The following EVL variants were observed in gnomAD, a reference collection of about 807,000 sequenced individuals.
EVL encodes Enah/Vasp-like.
A neutral mutation model predicts 59.6 loss-of-function variants in EVL; 21 were observed. The observed-to-expected ratio is 0.35, with a 90% confidence interval of 0.25 to 0.51. EVL has a LOEUF of 0.51. EVL is among the 20% of genes least tolerant of loss of function. EVL has a pLI of 0.97. For missense variants in EVL, 462 were observed against 546.6 expected (o/e 0.85, Z 1.54); for synonymous variants, 198 against 203.5 (o/e 0.97, Z 0.23).
At chr14:99,981,265 C>G (rs1358013592) in intron 1 of EVL, among the ~76,000 whole-genome samples, 1 of 151,872 alleles carries the variant, frequency 6.6e-6, no homozygotes, top group Non-Finnish European at 1.5e-5. Flanking sequence ...AACCCCATCT[C>G]TACTAAAAAT....
chr14:100,086,709 T>C (rs1043315635), intron 2 of EVL, among the ~76,000 whole-genome samples: 4 of 152,228 alleles, frequency 2.6e-5, no homozygotes, highest in African/African-American at 9.6e-5. Context: ...TCTTCAGTGG[T>C]ATCCTGTTTA....
chr14:100,048,095 A>G (rs1027537082), intron 1 of EVL, among the ~76,000 whole-genome samples: 1 of 152,240 alleles, frequency 6.6e-6, no homozygotes, highest in Non-Finnish European at 1.5e-5. Flanking sequence ...CGAAAGCACC[A>G]TCCATAAAAG....
intron 3 of EVL, among the ~76,000 whole-genome samples, chr14:100,105,858 A>G (rs543583536): frequency 2.6e-5 from 4 of 152,140 alleles, no homozygotes; most frequent in Non-Finnish European, 5.9e-5. Context: ...CTGAATAGGG[A>G]ACATGCCTCC....
chr14:100,043,861 A>T (rs2061507282), intron 1 of EVL, among the ~76,000 whole-genome samples: 1 of 151,838 alleles, frequency 6.6e-6, no homozygotes, highest in East Asian at 1.9e-4. Context: ...CGATCTTCCC[A>T]CCTCAGCTTC....
rs889754198 is a variant in EVL, at chr14:100,100,235, G to A, written c.358+2577G>A. 9.9e-5 allele frequency among the ~76,000 whole-genome samples: 15 copies of A among 152,058 alleles called. 1 individual carries two copies. The highest frequency in any genetic ancestry group is 3.9e-4 in the East Asian group (2 of 5,148). On this transcript the variant is annotated intron_variant, in intron 3 of 13. Coordinates refer to ENST00000392920, the MANE Select transcript of EVL (RefSeq NM_016337.3). ...GGTTGAATGAGTGTCTTGTTGAGGC[G>A]GGGGCGGGAGACATCAGCTAGTTTG...
At chr14:99,981,861 C>T (rs1395926263) in intron 1 of EVL, among the ~76,000 whole-genome samples, 1 of 152,148 alleles carries the variant, frequency 6.6e-6, no homozygotes. Flanking sequence ...GTAAAAAACG[C>T]AATACCTGTG....
intron 1 of EVL, among the ~76,000 whole-genome samples, chr14:100,059,864 C>T (rs759781503): frequency 4.6e-5 from 7 of 152,174 alleles, no homozygotes; most frequent in Non-Finnish European, 1.0e-4. Flanking sequence ...ACAGACTTCA[C>T]ATCTTTAAAG....
chr14:100,132,215 G>A (rs1204499893), intron 7 of EVL, among the ~76,000 whole-genome samples: 2 of 150,496 alleles, frequency 1.3e-5, no homozygotes, highest in Non-Finnish European at 3.0e-5. Flanking sequence ...CCTCTTCTGA[G>A]CATTTCCAGG....
At chr14:100,099,943 C>CTT (rs768464917) in intron 3 of EVL, among the ~76,000 whole-genome samples, 1 of 90,104 alleles carries the variant, frequency 1.1e-5, no homozygotes, top group East Asian at 3.2e-4. Flanking sequence ...TCTGAAAGTG[C>CTT]TTTTTTTTTT....
rs548491187 is a variant in EVL, at chr14:100,034,234, CA to C, written c.6-50437del. ...TGGGCAACAGAGCTAGAATCTGTCTCAAAAAAAAAAAAAAAAGAAAAAGAAA... is the reference window on the plus strand; with the variant it reads ...TGGGCAACAGAGCTAGAATCTGTCTCAAAAAAAAAAAAAAAGAAAAAGAAA... On this transcript the variant is annotated intron_variant, in intron 1 of 13. Transcript: ENST00000402714. Among the ~76,000 whole-genome samples, 245 of 90,880 alleles carry C rather than the reference CA, an allele frequency of 2.7e-3. 1 individual carries two copies. The highest frequency in any genetic ancestry group is 0.016 in the Middle Eastern group (2 of 124). The allele number at this position is 90,880 out of a possible 152,430, so 59.6% of individuals were successfully genotyped here. A position where few individuals can be genotyped will look rare whatever the true frequency, so the allele number is the denominator to read the frequency against.
chr14:100,109,682 A>G lies in EVL; in HGVS notation c.358+12024A>G, dbSNP rs1416401513. 7.5e-6 allele frequency: 4 copies of G among 532,400 alleles called. No individual in the cohort carries two copies. The highest frequency in any genetic ancestry group is 1.5e-5 in the Non-Finnish European group (4 of 259,196). 33.0% of individuals were successfully genotyped at this position (532,400 alleles called of 1,614,324 possible). On this transcript the variant is annotated intron_variant, in intron 3 of 13. Coordinates refer to ENST00000392920, the MANE Select transcript of EVL (RefSeq NM_016337.3). This position sits in a 1 kb window ranked among gnomAD's most constrained non-coding sequence, Gnocchi z 4.3. ...AACTGGGCTCAAGGTGAGGGGTGCTATCTGTGATTGAGGGACATGGTTAAT... is the reference window on the plus strand; with the variant it reads ...AACTGGGCTCAAGGTGAGGGGTGCTGTCTGTGATTGAGGGACATGGTTAAT...
intron 1 of EVL, among the ~76,000 whole-genome samples, chr14:100,045,951 A>G (rs532599719): frequency 2.0e-5 from 3 of 152,328 alleles, no homozygotes; most frequent in South Asian, 2.1e-4. Flanking sequence ...TTCCAGCCTA[A>G]TTAGAGCAGT....
chr14:100,019,706 A>G (rs774615835), intron 1 of EVL: 38 of 1,531,698 alleles, frequency 2.5e-5, no homozygotes, highest in Admixed American at 4.0e-5. Context: ...TGGGCTTTCT[A>G]CATCAGTCTG....
intron 1 of EVL, among the ~76,000 whole-genome samples, chr14:100,020,674 C>T (rs1436719512): frequency 6.6e-6 from 1 of 152,148 alleles, no homozygotes; most frequent in Non-Finnish European, 1.5e-5. Flanking sequence ...AAGAGAATAA[C>T]CACCTTTCAT....
intron 1 of EVL, among the ~76,000 whole-genome samples, chr14:100,016,571 C>T (rs774604730): frequency 3.3e-5 from 5 of 152,106 alleles, no homozygotes; most frequent in Non-Finnish European, 7.4e-5. Context: ...AGCGAGACTC[C>T]GTCTCTAAAA....
rs1420163100 is a variant in EVL at position 99,972,350 on chromosome 14, C to T, written c.5+293C>T. Among the ~76,000 whole-genome samples, 1 of 151,884 alleles carries T rather than the reference C, an allele frequency of 6.6e-6. No individual in the cohort carries two copies. Among genetic ancestry groups the T allele is most frequent in the Non-Finnish European group, 1.5e-5 (1 of 67,944 alleles). The stretch of plus-strand genomic sequence containing the variant: ...CTGCTTGTGGGGTCCTCTTAGGCTC[C>T]GGGGGGCCTGCGGCGGCCTGGGAGG... On this transcript the variant is annotated intron_variant, in intron 1 of 13. Coordinates refer to the EVL transcript ENST00000402714. The surrounding 1 kb of genome is among the most constrained non-coding windows in gnomAD (Gnocchi z 4.4).
At chr14:100,017,310 C>T (rs1315094207) in intron 1 of EVL, among the ~76,000 whole-genome samples, 1 of 152,164 alleles carries the variant, frequency 6.6e-6, no homozygotes, top group Non-Finnish European at 1.5e-5. Context: ...TGGTGGAGAG[C>T]AGGCACAGAG....
intron 3 of EVL, among the ~76,000 whole-genome samples, chr14:100,112,385 C>A (rs1040630239): frequency 2.0e-5 from 3 of 152,170 alleles, no homozygotes; most frequent in Non-Finnish European, 2.9e-5. Flanking sequence ...TGATCCATTC[C>A]CCGCAAAGCA....
chr14:100,077,544 G>A (rs1400377614), intron 1 of EVL, among the ~76,000 whole-genome samples: 3 of 152,190 alleles, frequency 2.0e-5, no homozygotes, highest in African/African-American at 7.2e-5. Flanking sequence ...CAGTGTATTG[G>A]TGCTCGTGTA....
Sources: gnomAD v4.1 joint callset for allele counts (sites outside exome capture counted in the v4.1 genomes callset) on GRCh38, gnomAD v4.1.1 for gene constraint, Gnocchi (gnomAD v3.1) non-coding constraint, MANE v1.5 for transcripts, NCBI Gene and HGNC (gene_info 2026-07-23, HGNC 2026-07-21) for gene names.